Variants in PREP observed in about 807,000 individuals in gnomAD.
PREP encodes prolyl endopeptidase, also known as dJ355L5.1 (prolyl endopeptidase).
PREP carries 29 observed loss-of-function variants against 87.6 expected under a neutral mutation model. The observed-to-expected ratio is 0.33, with a 90% CI of 0.25 to 0.45. The LOEUF is 0.45. Ranked by LOEUF, PREP falls within the 20% of genes least tolerant of loss-of-function variation. PREP has a pLI of 1.00. For synonymous variants in PREP, 337 were observed against 328.6 expected (o/e 1.03, Z -0.28); for missense variants, 695 against 886.5 (o/e 0.78, Z 2.74).
Position 105,278,038 on chromosome 6 carries a change from G to T in PREP, c.*106C>A. 2.1e-6 allele frequency: 3 copies of T among 1,400,576 alleles called. No homozygotes were observed. The highest frequency in any genetic ancestry group is 2.9e-6 in the Non-Finnish European group (3 of 1,021,824). 86.8% of individuals were successfully genotyped at this position (1,400,576 alleles called of 1,614,324 possible). On this transcript the variant is annotated 3_prime_UTR_variant, in exon 15 of 15. Coordinates refer to ENST00000652536, the MANE Select transcript of PREP (RefSeq NM_002726.5). The surrounding 1 kb of genome is among the most constrained non-coding windows in gnomAD (Gnocchi z 4.2). The stretch of plus-strand genomic sequence containing the variant: ...GTTCAACTGTAGCCTGTGAGTGCAG[G>T]AATAATGTTCCCGTGGGGAAGCATT...
At chr6:105,386,015 G>A (rs1211347698) in intron 2 of PREP, among the ~76,000 whole-genome samples, 1 of 152,196 alleles carries the variant, frequency 6.6e-6, no homozygotes, top group Non-Finnish European at 1.5e-5. Context: ...AGCTACTCGG[G>A]AGGCTGAGGC....
chr6:105,308,565 T>G (rs775753861), intron 10 of PREP, among the ~76,000 whole-genome samples: 1 of 152,174 alleles, frequency 6.6e-6, no homozygotes, highest in South Asian at 2.1e-4. Flanking sequence ...GTAAAACTCG[T>G]AGTACAACAT....
At chr6:105,334,357 C>T (rs533386437) in intron 7 of PREP, among the ~76,000 whole-genome samples, 4 of 152,252 alleles carry the variant, frequency 2.6e-5, no homozygotes, top group South Asian at 2.1e-4. Context: ...CACTTTTAAT[C>T]GGCACCCAGT....
intron 9 of PREP, among the ~76,000 whole-genome samples, chr6:105,324,885 A>G (rs1260417039): frequency 1.3e-5 from 2 of 152,240 alleles, no homozygotes; most frequent in East Asian, 3.8e-4. Context: ...TCATGATTGC[A>G]GACAAACTGT....
In PREP at chr6:105,403,036, C is replaced by T. The variant is rs1253143313; in HGVS notation, c.-145G>A. On this transcript the variant is annotated 5_prime_UTR_variant, in exon 1 of 15. Transcript: ENST00000652536. The stretch of plus-strand genomic sequence containing the variant: ...GCGGGCGGCCGGCTCACGGCCAGAG[C>T]TAGCACAAACGGACTGGCGGCGCGG... The T allele has an allele frequency of 3.2e-6, 1 of 308,558 alleles. No homozygotes were observed. Among genetic ancestry groups the T allele is most frequent in the Non-Finnish European group, 5.8e-6 (1 of 171,512 alleles). 19.1% of individuals were successfully genotyped at this position (308,558 alleles called of 1,614,324 possible).
rs148157860 is a variant in PREP at position 105,357,437 on chromosome 6, C to T, written c.718-4360G>A. On this transcript the variant is annotated intron_variant, in intron 6 of 14. Coordinates refer to ENST00000652536, the MANE Select transcript of PREP (RefSeq NM_002726.5). ...ATAGCTGTAGCAGTTTATACTTAAT[C>T]TGAAGCAGGCAGTCCCAAGGTACAT... 3.9e-3 allele frequency among the ~76,000 whole-genome samples: 601 copies of T among 152,320 alleles called. 4 individuals carry two copies. Among genetic ancestry groups the T allele is most frequent in the African/African-American group, 0.013 (560 of 41,562 alleles).
At chr6:105,357,475 G>A (rs994589515) in intron 6 of PREP, among the ~76,000 whole-genome samples, 2 of 152,096 alleles carry the variant, frequency 1.3e-5, no homozygotes, top group African/African-American at 4.8e-5. Flanking sequence ...CTGTTATAAC[G>A]CCAATTAAGT....
intron 10 of PREP, among the ~76,000 whole-genome samples, chr6:105,308,990 G>A (rs79707979): frequency 0.086 from 13,098 of 152,126 alleles, 617 homozygotes; most frequent in South Asian, 0.14. Context: ...GGAGGGCCAG[G>A]AGTAGGGGCA....
intron 6 of PREP, among the ~76,000 whole-genome samples, chr6:105,359,414 A>ACT (rs1772186156): frequency 6.6e-6 from 1 of 152,356 alleles, no homozygotes; most frequent in South Asian, 2.1e-4. Flanking sequence ...CTAAATGATG[A>ACT]TTAAAGAAGT....
At chr6:105,365,636 G>A (rs1249028128) in intron 6 of PREP, among the ~76,000 whole-genome samples, 1 of 152,128 alleles carries the variant, frequency 6.6e-6, no homozygotes, top group East Asian at 1.9e-4. Flanking sequence ...GGGAAAGGAG[G>A]AAGGAAGGAG....
At chr6:105,280,713 A>G (rs1473287572) in intron 14 of PREP, 1 of 152,162 alleles carries the variant, frequency 6.6e-6, no homozygotes, top group Non-Finnish European at 1.5e-5. Context: ...TGGGACTACA[A>G]GCATGCATCA....
intron 6 of PREP, among the ~76,000 whole-genome samples, chr6:105,366,323 G>T (rs1772382136): frequency 6.6e-6 from 1 of 152,132 alleles, no homozygotes; most frequent in African/African-American, 2.4e-5. Context: ...CTTTCCTCTT[G>T]ATCAGGGAAA....
chr6:105,283,189 T>C (rs3799996), intron 12 of PREP, among the ~76,000 whole-genome samples: 53,756 of 152,088 alleles, frequency 0.35, 12,679 homozygotes, highest in African/African-American at 0.68. Context: ...TGAGGTAGCG[T>C]TGCGGCAGAG....
At chr6:105,334,973 A>G (rs1186489078) in intron 7 of PREP, among the ~76,000 whole-genome samples, 1 of 152,208 alleles carries the variant, frequency 6.6e-6, no homozygotes, top group East Asian at 1.9e-4. Context: ...CTTGGCACAA[A>G]ACTGAGTGGC....
In PREP at chr6:105,337,995, G is replaced by A. The variant is rs569327204; in HGVS notation, c.824-4490C>T. 5.4e-5 allele frequency among the ~76,000 whole-genome samples: 8 copies of A among 148,400 alleles called. No individual in the cohort carries two copies. In the South Asian group the frequency reaches 1.7e-3, roughly 31 times the overall value. On this transcript the variant is annotated intron_variant, in intron 7 of 14. Transcript: ENST00000652536. ...TTCATCTTGGTGTACATAAAACAAT[G>A]CTTTAAAAAAAAATCCCCATTCCTT... is the stretch of plus-strand genomic sequence containing the variant.
At chr6:105,379,041 A>G (rs1305367648) in intron 2 of PREP, among the ~76,000 whole-genome samples, 1 of 152,254 alleles carries the variant, frequency 6.6e-6, no homozygotes, top group Non-Finnish European at 1.5e-5. Context: ...CAAGGGATGT[A>G]AAGTATGAAT....
intron 2 of PREP, among the ~76,000 whole-genome samples, chr6:105,392,863 C>A (rs1773192439): frequency 6.6e-6 from 1 of 152,204 alleles, no homozygotes; most frequent in African/African-American, 2.4e-5. Flanking sequence ...AGGTGTGAAC[C>A]ACCGCAGCCG....
At chr6:105,378,959 C>G (rs7754599) in intron 2 of PREP, among the ~76,000 whole-genome samples, 47,720 of 152,056 alleles carry the variant, frequency 0.31, 10,218 homozygotes, top group African/African-American at 0.62. Context: ...TCCCACTCTG[C>G]AGAACCATGA....
chr6:105,277,161 CTTT>C lies in PREP; in HGVS notation c.*980_*982del, dbSNP rs199929615. Reference sequence around the variant, plus strand: ...AATCTTGGGGGTGGGCAAACCAAAACTTTTTTTTTTTTTTTTCCAGTAAGTAAG... The same window carrying C: ...AATCTTGGGGGTGGGCAAACCAAAACTTTTTTTTTTTTTCCAGTAAGTAAG... On this transcript the variant is annotated 3_prime_UTR_variant, in exon 15 of 15. Coordinates refer to ENST00000652536, the MANE Select transcript of PREP (RefSeq NM_002726.5). Among the ~76,000 whole-genome samples, 3 of 134,214 alleles carry C rather than the reference CTTT, an allele frequency of 2.2e-5. No homozygotes were observed. The highest frequency in any genetic ancestry group is 7.3e-5 in the Admixed American group (1 of 13,708). The allele number at this position is 134,214 out of a possible 152,430, so 88.0% of individuals were successfully genotyped here.
Sources: gnomAD v4.1 joint callset for allele counts (sites outside exome capture counted in the v4.1 genomes callset) on GRCh38, gnomAD v4.1.1 for gene constraint, Gnocchi (gnomAD v3.1) non-coding constraint, MANE v1.5 for transcripts, NCBI Gene and HGNC (gene_info 2026-07-23, HGNC 2026-07-21) for gene names.